The following ORC2 variants were observed in gnomAD, a reference collection of about 807,000 sequenced individuals.
ORC2 encodes the protein origin recognition complex protein 2 homolog.
A neutral mutation model predicts 77.7 loss-of-function variants in ORC2; 37 were observed. The observed-to-expected ratio is 0.48, with a 90% CI of 0.37 to 0.63. The LOEUF (loss-of-function observed/expected upper bound fraction) is 0.63. ORC2 is among the 20% of genes least tolerant of loss of function. The pLI is 0.00. For missense variants in ORC2, 557 were observed against 661.9 expected (o/e 0.84, Z 1.74); for synonymous variants, 201 against 229.5 (o/e 0.88, Z 1.12).
At chr2:200,933,646 T>A (rs1192037093) in intron 10 of ORC2, among the ~76,000 whole-genome samples, 1 of 152,206 alleles carries the variant, frequency 6.6e-6, no homozygotes, top group East Asian at 1.9e-4. Context: ...TGTGTTCACA[T>A]AATCCTCCTC....
chr2:200,936,198 C>T lies in ORC2; in HGVS notation c.515-306G>A, dbSNP rs16836003. Reference sequence around the variant, plus strand: ...AATCATACCTAACACCGTTCTCCTTCCCTCTTCCTTGCTAACAGAACTCCA... The same window carrying T: ...AATCATACCTAACACCGTTCTCCTTTCCTCTTCCTTGCTAACAGAACTCCA... On this transcript the variant is annotated intron_variant, in intron 8 of 17. Coordinates refer to ENST00000234296, the MANE Select transcript of ORC2 (RefSeq NM_006190.5). Among the ~76,000 whole-genome samples the T allele has an allele frequency of 6.1e-3, 923 of 152,328 alleles. 3 individuals carry two copies. Among genetic ancestry groups the T allele is most frequent in the Non-Finnish European group, 9.6e-3 (652 of 68,018 alleles).
chr2:200,946,923 GAT>G (rs1457825897), intron 5 of ORC2, among the ~76,000 whole-genome samples: 4 of 152,002 alleles, frequency 2.6e-5, no homozygotes, highest in Admixed American at 2.6e-4. Flanking sequence ...TGTTTTTTCA[GAT>G]GGAGTCTCTT....
chr2:200,951,111 A>G (rs2041347359), intron 4 of ORC2, among the ~76,000 whole-genome samples: 1 of 152,214 alleles, frequency 6.6e-6, no homozygotes, highest in Non-Finnish European at 1.5e-5. Context: ...TATAGTTGGA[A>G]TCATACAGTA....
rs772910441 is a variant in ORC2 at position 200,926,883 on chromosome 2, A to G, written c.935T>C (p.Val312Ala). ...MLQLHLGFNIVLYGLGSKRDL... is the reference protein window; with the variant it reads ...MLQLHLGFNIALYGLGSKRDL... ...TCTCTTAGAACCCAAACCATAAAGC[A>G]CAATGTTGAACCCAAGGCTGTTAGG... The change falls in exon 12 of 18, where the codon GTG becomes GCG. Residue 312 changes from valine to alanine, a missense_variant. Transcript: ENST00000234296. The G allele has an allele frequency of 5.0e-6, 8 of 1,613,998 alleles. No homozygotes were observed. The highest frequency in any genetic ancestry group is 3.3e-4 in the Middle Eastern group (2 of 6,062).
At chr2:200,940,908 T>C (rs918442580) in intron 7 of ORC2, among the ~76,000 whole-genome samples, 3 of 151,808 alleles carry the variant, frequency 2.0e-5, no homozygotes, top group African/African-American at 7.3e-5. Context: ...ACTGCCCTCT[T>C]CCCCCTGCAA....
intron 8 of ORC2, among the ~76,000 whole-genome samples, chr2:200,936,175 T>C (rs543756415): frequency 6.6e-6 from 1 of 152,366 alleles, no homozygotes; most frequent in South Asian, 2.1e-4. Flanking sequence ...AAATTGTTAA[T>C]CATACCTAAC....
Position 200,930,315 on chromosome 2 carries a change from A to C in ORC2, c.917+1024T>G, listed in dbSNP as rs1048703082. Among the ~76,000 whole-genome samples the C allele has an allele frequency of 2.6e-5, 4 of 152,178 alleles. No homozygotes were observed. In the South Asian group the frequency reaches 8.3e-4, roughly 31 times the overall value. On this transcript the variant is annotated intron_variant, in intron 11 of 17. Transcript: ENST00000234296. ...GCTAGCAATTCCAACAAACTTGCTG[A>C]CTATAAGGTCTAATCTGAGAAGCAA...
intron 5 of ORC2, among the ~76,000 whole-genome samples, chr2:200,946,868 T>C (rs1321247173): frequency 6.6e-6 from 1 of 152,208 alleles, no homozygotes; most frequent in Non-Finnish European, 1.5e-5. Context: ...TCAGTGCTCC[T>C]ATACAGGATT....
At chr2:200,929,631 T>TA (rs1224003006) in intron 11 of ORC2, among the ~76,000 whole-genome samples, 3 of 151,530 alleles carry the variant, frequency 2.0e-5, no homozygotes, top group African/African-American at 7.3e-5. Flanking sequence ...CTCTACACAA[T>TA]AAAAAATAAA....
chr2:200,947,980 C>T (rs2041281392), intron 5 of ORC2, among the ~76,000 whole-genome samples: 1 of 151,960 alleles, frequency 6.6e-6, no homozygotes. Flanking sequence ...GCGATCTCGG[C>T]TCACTGCAAG....
rs565947672 is a variant in ORC2 at position 200,911,213 on chromosome 2, T to C, written c.*88A>G. On this transcript the variant is annotated 3_prime_UTR_variant, in exon 18 of 18. Transcript: ENST00000234296. ...CTTGTATGCTGGAAAAATAATTTAATGTCAGATGTAAACACAACACTTTCA... is the reference window on the plus strand; with the variant it reads ...CTTGTATGCTGGAAAAATAATTTAACGTCAGATGTAAACACAACACTTTCA... 4.9e-5 allele frequency: 38 copies of C among 773,676 alleles called. 1 individual carries two copies. In the South Asian group the frequency reaches 5.9e-4, roughly 12 times the overall value. The allele number at this position is 773,676 out of a possible 1,614,324, so 47.9% of individuals were successfully genotyped here. A position where few individuals can be genotyped will look rare whatever the true frequency, so the allele number is the denominator to read the frequency against.
intron 11 of ORC2, among the ~76,000 whole-genome samples, chr2:200,930,370 T>G (rs2040918194): frequency 6.6e-6 from 1 of 152,098 alleles, no homozygotes; most frequent in South Asian, 2.1e-4. Context: ...GTTGACACGC[T>G]GGGAGAAAAA....
chr2:200,933,863 C>T lies in ORC2; in HGVS notation c.807+13G>A, dbSNP rs767769122. ...GTAAAAAAAATTTAGAAGTAACATT[C>T]CTTGTAACATACCTGATCCAGTTTA... On this transcript the variant is annotated intron_variant, in intron 10 of 17. Transcript: ENST00000234296. The T allele has an allele frequency of 2.0e-6, 3 of 1,525,202 alleles. No homozygotes were observed. Among genetic ancestry groups the T allele is most frequent in the Non-Finnish European group, 1.8e-6 (2 of 1,114,324 alleles). 94.5% of individuals were successfully genotyped at this position (1,525,202 alleles called of 1,614,324 possible). A position where few individuals can be genotyped will look rare whatever the true frequency, so the allele number is the denominator to read the frequency against.
In ORC2 at chr2:200,933,596, A is replaced by G. The variant is rs182341398; in HGVS notation, c.807+280T>C. ...TTATTTATTTAAATTTTTAGTAACA[A>G]CGAGGTCTCCCTATATTGCCCAGGC... On this transcript the variant is annotated intron_variant, in intron 10 of 17. Coordinates refer to ENST00000234296, the MANE Select transcript of ORC2 (RefSeq NM_006190.5). 1.5e-3 allele frequency among the ~76,000 whole-genome samples: 233 copies of G among 152,312 alleles called. 1 individual carries two copies. Among genetic ancestry groups the G allele is most frequent in the Non-Finnish European group, 5.9e-4 (40 of 68,032 alleles).
chr2:200,924,225 T>C (rs2040805507), intron 13 of ORC2, among the ~76,000 whole-genome samples: 1 of 152,036 alleles, frequency 6.6e-6, no homozygotes, highest in Non-Finnish European at 1.5e-5. Flanking sequence ...TATGTGCCTG[T>C]AGTCCCAGCT....
chr2:200,911,406 C>T lies in ORC2; in HGVS notation c.1648-19G>A. 1 of 1,354,808 alleles carries T rather than the reference C, an allele frequency of 7.4e-7. No individual in the cohort carries two copies. The highest frequency in any genetic ancestry group is 1.1e-6 in the Non-Finnish European group (1 of 944,856). The allele number at this position is 1,354,808 out of a possible 1,614,324, so 83.9% of individuals were successfully genotyped here. ...CAGTTCCCTGAAAGATTTAAGAATACCTGTACGTTAGTCATTCATAAGAGG... is the reference window on the plus strand; with the variant it reads ...CAGTTCCCTGAAAGATTTAAGAATATCTGTACGTTAGTCATTCATAAGAGG... On this transcript the variant is annotated intron_variant, in intron 17 of 17. Transcript: ENST00000234296.
chr2:200,938,900 G>T (rs562894181), intron 7 of ORC2, among the ~76,000 whole-genome samples: 5 of 151,994 alleles, frequency 3.3e-5, no homozygotes, highest in Admixed American at 6.6e-5. Context: ...TTAGCCGGGC[G>T]TGCTGGTGCA....
intron 15 of ORC2, among the ~76,000 whole-genome samples, chr2:200,915,020 T>C (rs2124928913): frequency 7.3e-6 from 1 of 137,862 alleles, no homozygotes; most frequent in Non-Finnish European, 1.6e-5. Context: ...TTTTTTTTTT[T>C]TTTTTTTTTT....
intron 11 of ORC2, among the ~76,000 whole-genome samples, chr2:200,929,623 C>T (rs2040903376): frequency 6.6e-6 from 1 of 151,830 alleles, no homozygotes; most frequent in Non-Finnish European, 1.5e-5. Context: ...GACCTCATCT[C>T]TACACAATAA....
Sources: gnomAD v4.1 joint callset for allele counts (sites outside exome capture counted in the v4.1 genomes callset) on GRCh38, gnomAD v4.1.1 for gene constraint, MANE v1.5 for transcripts, NCBI Gene and HGNC (gene_info 2026-07-23, HGNC 2026-07-21) for gene names.